Variants in DPP10 observed in about 807,000 individuals in gnomAD.
DPP10 encodes the protein dipeptidyl peptidase like 10.
A neutral mutation model predicts 120.9 loss-of-function variants in DPP10; 33 were observed. The ratio of observed to expected loss-of-function variants is 0.27; its 90% CI spans 0.21 to 0.37. DPP10 has a LOEUF of 0.37. Among genes scored for constraint, DPP10 ranks in the 10% least tolerant of loss-of-function variants. The pLI is 1.00. For synonymous variants in DPP10, 337 were observed against 326.1 expected (o/e 1.03, Z -0.36); for missense variants, 816 against 942.8 (o/e 0.87, Z 1.76).
chr2:115,416,734 G>A (rs1559571689), intron 3 of DPP10, among the ~76,000 whole-genome samples: 1 of 152,100 alleles, frequency 6.6e-6, no homozygotes, highest in Non-Finnish European at 1.5e-5. Flanking sequence ...CATTTCGCTG[G>A]TTCTGATCTC....
chr2:114,976,388 A>G (rs1699759865), intron 1 of DPP10, among the ~76,000 whole-genome samples: 1 of 152,176 alleles, frequency 6.6e-6, no homozygotes, highest in African/African-American at 2.4e-5. Context: ...TCCATTTCGT[A>G]GTTATTTTAA....
chr2:115,034,761 A>G (rs1358193170), intron 1 of DPP10, among the ~76,000 whole-genome samples: 1 of 152,034 alleles, frequency 6.6e-6, no homozygotes, highest in Non-Finnish European at 1.5e-5. Context: ...ATCCAACTGA[A>G]CTCCCGTCAT....
intron 1 of DPP10, among the ~76,000 whole-genome samples, chr2:115,091,700 A>C (rs1272806334): frequency 6.6e-6 from 1 of 152,100 alleles, no homozygotes; most frequent in African/African-American, 2.4e-5. Flanking sequence ...CAACAGCAAA[A>C]AGTCCCTTGT....
chr2:114,655,345 G>A (rs562724457), intron 1 of DPP10, among the ~76,000 whole-genome samples: 32 of 152,224 alleles, frequency 2.1e-4, no homozygotes, highest in Non-Finnish European at 2.6e-4. Flanking sequence ...TTGAAAAAAC[G>A]TGTGGCGTTT....
chr2:114,824,975 G>T (rs556693886), intron 1 of DPP10, among the ~76,000 whole-genome samples: 1 of 152,292 alleles, frequency 6.6e-6, no homozygotes, highest in East Asian at 1.9e-4. Context: ...AGTAGGCTTT[G>T]GTTTGATTCA....
At chr2:115,766,326 G>GTGTC (rs1379218031) in intron 12 of DPP10, among the ~76,000 whole-genome samples, 2 of 50,310 alleles carry the variant, frequency 4.0e-5, no homozygotes, top group Admixed American at 2.8e-4. Flanking sequence ...ATATATATAT[G>GTGTC]TATATATATA....
chr2:114,966,569 A>ACAC (rs765941017), intron 1 of DPP10, among the ~76,000 whole-genome samples: 39 of 152,094 alleles, frequency 2.6e-4, no homozygotes, highest in Non-Finnish European at 2.4e-4. Flanking sequence ...CATCCATTAG[A>ACAC]TTCATGAACC....
intron 1 of DPP10, among the ~76,000 whole-genome samples, chr2:114,519,694 G>A (rs1684892632): frequency 6.6e-6 from 1 of 152,170 alleles, no homozygotes; most frequent in Non-Finnish European, 1.5e-5. Flanking sequence ...TCAAACAACA[G>A]CAAATGTTCT....
chr2:115,377,644 T>A (rs2065919184), intron 3 of DPP10, among the ~76,000 whole-genome samples: 1 of 152,170 alleles, frequency 6.6e-6, no homozygotes, highest in Admixed American at 6.5e-5. Flanking sequence ...ATGTCCTGAA[T>A]GGTAATGCCT....
At chr2:114,740,850 G>A (rs533976649) in intron 1 of DPP10, among the ~76,000 whole-genome samples, 15 of 152,138 alleles carry the variant, frequency 9.9e-5, no homozygotes, top group African/African-American at 3.6e-4. Flanking sequence ...TTTCTTCATG[G>A]GATAGTTTCT....
chr2:115,549,895 T>C (rs1214851496), intron 5 of DPP10, among the ~76,000 whole-genome samples: 1 of 152,160 alleles, frequency 6.6e-6, no homozygotes, highest in Non-Finnish European at 1.5e-5. Context: ...TTATGCCTTC[T>C]TACCCAACCT....
At chr2:114,957,101 AG>A (rs1698271192) in intron 1 of DPP10, among the ~76,000 whole-genome samples, 1 of 151,932 alleles carries the variant, frequency 6.6e-6, no homozygotes, top group South Asian at 2.1e-4. Context: ...GAAAATAAAA[AG>A]CTTCTGCATG....
intron 1 of DPP10, among the ~76,000 whole-genome samples, chr2:114,861,103 G>A (rs967624214): frequency 2.6e-5 from 4 of 152,130 alleles, no homozygotes; most frequent in Non-Finnish European, 4.4e-5. Context: ...TGTAGATACT[G>A]TATTACAAAA....
chr2:114,990,084 G>A (rs901980445), intron 1 of DPP10, among the ~76,000 whole-genome samples: 4 of 152,036 alleles, frequency 2.6e-5, no homozygotes, highest in Non-Finnish European at 5.9e-5. Flanking sequence ...TTGCTGTCAA[G>A]GTGAATAGCT....
chr2:115,595,093 G>C (rs1027898730), intron 5 of DPP10, among the ~76,000 whole-genome samples: 3 of 152,094 alleles, frequency 2.0e-5, no homozygotes, highest in Non-Finnish European at 2.9e-5. Flanking sequence ...ATTTTGGAAA[G>C]TTTGTCAAAT....
chr2:115,007,355 C>T (rs1401231323), intron 1 of DPP10, among the ~76,000 whole-genome samples: 10 of 152,120 alleles, frequency 6.6e-5, no homozygotes, highest in Non-Finnish European at 1.5e-4. Flanking sequence ...GCAGAAAAGG[C>T]CTTTGACAAA....
intron 2 of DPP10, among the ~76,000 whole-genome samples, chr2:115,341,812 T>TA (rs1559454962): frequency 2.0e-5 from 3 of 152,030 alleles, no homozygotes; most frequent in Non-Finnish European, 2.9e-5. Flanking sequence ...AATAACTCAT[T>TA]AAAAAAATGT....
intron 1 of DPP10, among the ~76,000 whole-genome samples, chr2:115,217,346 A>G (rs533396960): frequency 1.4e-3 from 220 of 152,280 alleles, no homozygotes; most frequent in Non-Finnish European, 2.3e-3. Context: ...GTAAACACCT[A>G]AAGAGTGCTC....
At chr2:115,382,632 A>T (rs1007418460) in intron 3 of DPP10, among the ~76,000 whole-genome samples, 13 of 152,080 alleles carry the variant, frequency 8.5e-5, no homozygotes, top group African/African-American at 3.1e-4. Flanking sequence ...GTCTCTTCCT[A>T]GAAAATTGCT....
Sources: allele counts gnomAD v4.1 joint callset (sites outside exome capture counted in the v4.1 genomes callset), GRCh38; gene constraint gnomAD v4.1.1; transcripts MANE v1.5; gene names NCBI Gene and HGNC (gene_info 2026-07-23, HGNC 2026-07-21).